The following EPHA5 variants were observed in gnomAD, a reference collection of about 807,000 sequenced individuals.
EPHA5 encodes EPH receptor A5, also known as ephrin type-A receptor 5.
In EPHA5, 60 loss-of-function variants were observed where a neutral mutation model predicts 105.0. The observed-to-expected ratio is 0.57, with a 90% CI of 0.46 to 0.71. The LOEUF (loss-of-function observed/expected upper bound fraction) is 0.71, where lower values mean the gene tolerates loss of function less well. Among genes scored for constraint, EPHA5 ranks in the 30% least tolerant of loss-of-function variants. The pLI, the probability that EPHA5 is intolerant of heterozygous loss-of-function variation, is 0.00. For missense variants in EPHA5, 1,218 were observed against 1,274.7 expected (o/e 0.96, Z 0.68); for synonymous variants, 513 against 449.1 (o/e 1.14, Z -1.80).
Position 65,602,190 on chromosome 4 carries a change from C to T in EPHA5, c.361G>A (p.Glu121Lys), listed in dbSNP as rs2149441359. The T allele has an allele frequency of 6.2e-7, 1 of 1,614,006 alleles. No individual in the cohort carries two copies. Among genetic ancestry groups the T allele is most frequent in the East Asian group, 2.2e-5 (1 of 44,868 alleles). The change falls in exon 3 of 17, where the codon GAA (glutamate) becomes AAA (lysine). Residue 121 changes from glutamate to lysine, a missense_variant. By Grantham distance (56) the Glu-to-Lys change is moderately conservative. Around this residue, in one of 3 missense-constraint regions of EPHA5, gnomAD observed 233 missense variants for 227.5 expected, o/e 1.02. Coordinates refer to ENST00000613740, the MANE Select transcript of EPHA5 (RefSeq NM_001281766.3). The part of the protein sequence containing the change: ...NWLLTSWISN[E>K]GASRIFIELK... ...TCTATGAAGATTCTGGAAGCACCTT[C>T]ATTGGAGATCCAACTGGTCAAAAGC...
intron 2 of EPHA5, among the ~76,000 whole-genome samples, chr4:65,607,715 C>A (rs1027588113): frequency 5.9e-5 from 9 of 152,196 alleles, no homozygotes; most frequent in African/African-American, 4.8e-5. Context: ...GAAATAGGAA[C>A]ACTTTTACAC....
intron 16 of EPHA5, chr4:65,330,515 T>C (rs952997047): frequency 5.4e-6 from 2 of 367,078 alleles, no homozygotes; most frequent in African/African-American, 2.1e-5. Flanking sequence ...TAGATGTAAC[T>C]ATATACAGAA....
rs148706721 is a variant in EPHA5, at chr4:65,556,264, C to T, written c.910+45377G>A. Among the ~76,000 whole-genome samples the T allele has an allele frequency of 5.3e-3, 805 of 152,228 alleles. 4 individuals are homozygous for T. The highest frequency in any genetic ancestry group is 0.014 in the Middle Eastern group (4 of 294). ...ACAGCCTCAAGAGACTTTGCATGAA[C>T]TACTGTGATGTCAATAAAATGTTGT... On this transcript the variant is annotated intron_variant, in intron 3 of 16. Coordinates refer to ENST00000613740, the MANE Select transcript of EPHA5 (RefSeq NM_001281766.3).
intron 5 of EPHA5, among the ~76,000 whole-genome samples, chr4:65,424,387 G>T (rs2149046133): frequency 6.6e-6 from 1 of 152,098 alleles, no homozygotes; most frequent in African/African-American, 2.4e-5. Flanking sequence ...AGGTATTTTG[G>T]CAGCCAGACA....
At chr4:65,582,971 A>G (rs919197643) in intron 3 of EPHA5, among the ~76,000 whole-genome samples, 3 of 151,668 alleles carry the variant, frequency 2.0e-5, no homozygotes, top group Admixed American at 1.3e-4. Context: ...GAGGAGAAAT[A>G]TAAAAACTAG....
intron 8 of EPHA5, among the ~76,000 whole-genome samples, chr4:65,401,616 G>C (rs1270737455): frequency 1.3e-5 from 2 of 152,128 alleles, no homozygotes; most frequent in African/African-American, 4.8e-5. Flanking sequence ...CAAATTCCTA[G>C]TGTCAGCATC....
intron 5 of EPHA5, among the ~76,000 whole-genome samples, chr4:65,421,867 T>C (rs1027785577): frequency 6.6e-6 from 1 of 152,126 alleles, no homozygotes; most frequent in Non-Finnish European, 1.5e-5. Context: ...CAAATTCATA[T>C]TTAATTATGT....
chr4:65,534,975 TATGAG>T (rs1736155239), intron 3 of EPHA5, among the ~76,000 whole-genome samples: 2 of 152,202 alleles, frequency 1.3e-5, no homozygotes, highest in Non-Finnish European at 2.9e-5. Context: ...TCATATTTCT[TATGAG>T]ATACTTTGAA....
At chr4:65,346,222 C>T (rs958153420) in intron 14 of EPHA5, among the ~76,000 whole-genome samples, 1 of 151,376 alleles carries the variant, frequency 6.6e-6, no homozygotes, top group Non-Finnish European at 1.5e-5. Context: ...TTTCTTAATG[C>T]TTTATTAAGT....
intron 3 of EPHA5, among the ~76,000 whole-genome samples, chr4:65,529,883 A>G (rs1023902451): frequency 2.6e-5 from 4 of 152,082 alleles, no homozygotes; most frequent in African/African-American, 9.7e-5. Context: ...AGAAAGCAAT[A>G]TTTTCTAATT....
At chr4:65,519,907 G>A (rs538173698) in intron 3 of EPHA5, among the ~76,000 whole-genome samples, 1 of 152,274 alleles carries the variant, frequency 6.6e-6, no homozygotes, top group Admixed American at 6.5e-5. Context: ...AACATTCCAT[G>A]CTCATGGATA....
chr4:65,546,006 C>A (rs1185191172), intron 3 of EPHA5, among the ~76,000 whole-genome samples: 2 of 151,918 alleles, frequency 1.3e-5, no homozygotes, highest in Non-Finnish European at 2.9e-5. Context: ...AGGTCTCCAT[C>A]ACAACTACTC....
intron 4 of EPHA5, among the ~76,000 whole-genome samples, chr4:65,493,126 G>T (rs933020323): frequency 6.6e-6 from 1 of 151,850 alleles, no homozygotes; most frequent in South Asian, 2.1e-4. Context: ...GGCACAAGCA[G>T]CTTTAAAGTC....
chr4:65,472,733 C>A (rs1239850754), intron 5 of EPHA5, among the ~76,000 whole-genome samples: 2 of 95,676 alleles, frequency 2.1e-5, no homozygotes, highest in Non-Finnish European at 5.8e-5. Context: ...CTGGGCCTGG[C>A]CCACAAAACC....
At chr4:65,665,711 T>C (rs1431055143) in intron 1 of EPHA5, among the ~76,000 whole-genome samples, 3 of 152,082 alleles carry the variant, frequency 2.0e-5, no homozygotes, top group Non-Finnish European at 4.4e-5. Context: ...CTTATATGAG[T>C]AAATGAAATC....
intron 7 of EPHA5, among the ~76,000 whole-genome samples, chr4:65,412,039 A>T (rs1722960199): frequency 6.6e-6 from 1 of 152,132 alleles, no homozygotes; most frequent in Non-Finnish European, 1.5e-5. Context: ...GACCAGACTG[A>T]CCAACATGGA....
chr4:65,629,702 C>CT (rs1057453476), intron 2 of EPHA5, among the ~76,000 whole-genome samples: 4 of 152,058 alleles, frequency 2.6e-5, no homozygotes, highest in East Asian at 1.9e-4. Context: ...TTTTTTGATA[C>CT]TTTTTTTTCT....
intron 3 of EPHA5, among the ~76,000 whole-genome samples, chr4:65,585,615 A>G (rs1742046278): frequency 6.6e-6 from 1 of 151,914 alleles, no homozygotes; most frequent in African/African-American, 2.4e-5. Flanking sequence ...AAGCAAGAAC[A>G]CTTATTTGGG....
intron 13 of EPHA5, among the ~76,000 whole-genome samples, chr4:65,348,816 T>TTTA (rs1722538105): frequency 3.7e-5 from 1 of 27,062 alleles, no homozygotes; most frequent in African/African-American, 1.1e-4. Flanking sequence ...TATATATATA[T>TTTA]TTTTTTTTTT....
Sources: allele counts gnomAD v4.1 joint callset (sites outside exome capture counted in the v4.1 genomes callset), GRCh38; gene constraint gnomAD v4.1.1; regional missense constraint gnomAD v4.1.1; transcripts MANE v1.5; gene names NCBI Gene and HGNC (gene_info 2026-07-23, HGNC 2026-07-21).